Variants in MYT1L observed in about 807,000 individuals in gnomAD.
MYT1L encodes the protein myelin transcription factor 1 like, also known as myelin transcription factor 1-like protein.
A neutral mutation model predicts 126.7 loss-of-function variants in MYT1L; 12 were observed. That is an observed-to-expected ratio of 0.09 (90% CI 0.06 to 0.15). The LOEUF (loss-of-function observed/expected upper bound fraction) is 0.15, where lower values mean the gene tolerates loss of function less well. MYT1L is among the 10% of genes least tolerant of loss of function. MYT1L has a pLI of 1.00. For missense variants in MYT1L, 979 were observed against 1,585.2 expected, an observed-to-expected ratio of 0.62 and a Z score of 6.49; for synonymous variants, 541 against 604.2, an observed-to-expected ratio of 0.90 and a Z score of 1.53.
chr2:2,159,314 G>C (rs577720864), intron 3 of MYT1L, among the ~76,000 whole-genome samples: 65 of 152,180 alleles, frequency 4.3e-4, no homozygotes, highest in African/African-American at 1.4e-3. Context: ...TGGTCTCTTC[G>C]GGGTCCTCAA....
rs11689831 is a variant in MYT1L at position 1,989,601 on chromosome 2, G to A, written c.-1+7590C>T. Among the ~76,000 whole-genome samples, 268 of 152,324 alleles carry A rather than the reference G, an allele frequency of 1.8e-3. 1 individual carries two copies. Among genetic ancestry groups the A allele is most frequent in the African/African-American group, 6.1e-3 (255 of 41,574 alleles). On this transcript the variant is annotated intron_variant, in intron 5 of 24. Transcript: ENST00000647738. ...GGAAATAATTTAGTTAAGAGTCACA[G>A]ATGCTCTACGCAGGAAAGAAAATGA...
Position 2,119,777 on chromosome 2 carries a change from TTC to T in MYT1L, c.-304+53093_-304+53094del, listed in dbSNP as rs199990236. ...AAGTATACAAAACTGTATGTATGCATTCTCTTTCTAATTATAAATTATTTCAA... is the reference window on the plus strand; with the variant it reads ...AAGTATACAAAACTGTATGTATGCATTCTTTCTAATTATAAATTATTTCAA... On this transcript the variant is annotated intron_variant, in intron 3 of 24. Transcript: ENST00000647738. 4.0e-3 allele frequency among the ~76,000 whole-genome samples: 611 copies of T among 152,356 alleles called. 4 individuals are homozygous for T. Among genetic ancestry groups the T allele is most frequent in the African/African-American group, 0.014 (577 of 41,574 alleles).
chr2:2,013,600 TG>T (rs1471942545), intron 4 of MYT1L, among the ~76,000 whole-genome samples: 2 of 152,366 alleles, frequency 1.3e-5, no homozygotes, highest in East Asian at 3.9e-4. Flanking sequence ...CCTCGGCTGT[TG>T]ATCAGGGAGT....
At chr2:2,206,145 G>C (rs1157810408) in intron 2 of MYT1L, among the ~76,000 whole-genome samples, 1 of 151,898 alleles carries the variant, frequency 6.6e-6, no homozygotes, top group Non-Finnish European at 1.5e-5. Context: ...ACCACGCCCA[G>C]CTAATTTTTT....
chr2:2,156,090 C>T (rs1449839643), intron 3 of MYT1L, among the ~76,000 whole-genome samples: 2 of 152,092 alleles, frequency 1.3e-5, no homozygotes, highest in Non-Finnish European at 2.9e-5. Flanking sequence ...GTATTATTAC[C>T]TTAAATGTGT....
chr2:2,315,725 G>A (rs921659030), intron 1 of MYT1L, among the ~76,000 whole-genome samples: 2 of 152,288 alleles, frequency 1.3e-5, no homozygotes, highest in African/African-American at 2.4e-5. Flanking sequence ...TCTTCCAAAA[G>A]TATGAGTTTT....
At chr2:2,103,887 G>A (rs544088721) in intron 3 of MYT1L, among the ~76,000 whole-genome samples, 106 of 152,344 alleles carry the variant, frequency 7.0e-4, no homozygotes, top group African/African-American at 1.4e-3. Flanking sequence ...GATGCTGTGA[G>A]TATAGAAAAC....
chr2:1,931,604 T>C (rs1374986276), intron 9 of MYT1L, among the ~76,000 whole-genome samples: 1 of 152,148 alleles, frequency 6.6e-6, no homozygotes, highest in Non-Finnish European at 1.5e-5. Flanking sequence ...GGAGCTGGTT[T>C]TGGTGCATTA....
At chr2:2,014,209 T>C (rs2064132223) in intron 4 of MYT1L, among the ~76,000 whole-genome samples, 1 of 151,994 alleles carries the variant, frequency 6.6e-6, no homozygotes, top group African/African-American at 2.4e-5. Flanking sequence ...TTTTTTTTTT[T>C]TCCTGAGCAG....
intron 2 of MYT1L, among the ~76,000 whole-genome samples, chr2:2,179,143 C>T (rs1257199992): frequency 6.6e-6 from 1 of 152,196 alleles, no homozygotes; most frequent in African/African-American, 2.4e-5. Context: ...TGGCCAGCAG[C>T]TGTAGGACAT....
Position 1,876,408 on chromosome 2 carries a change from C to T in MYT1L, c.2711+10131G>A, listed in dbSNP as rs573884766. ...CAGGACTCCGAGTCCAGCCTGAGAA[C>T]AGGCCCCCAGAGCACCCCCACACAT... is the stretch of plus-strand genomic sequence containing the variant. On this transcript the variant is annotated intron_variant, in intron 18 of 24. Transcript: ENST00000647738. 1.0e-3 allele frequency among the ~76,000 whole-genome samples: 158 copies of T among 152,218 alleles called. 2 individuals carry two copies. Among genetic ancestry groups the T allele is most frequent in the African/African-American group, 3.6e-3 (150 of 41,538 alleles).
chr2:2,161,984 C>T (rs2088025965), intron 3 of MYT1L, among the ~76,000 whole-genome samples: 1 of 152,178 alleles, frequency 6.6e-6, no homozygotes, highest in African/African-American at 2.4e-5. Flanking sequence ...GTTTCGGAAG[C>T]AGGCACACTT....
Position 1,950,670 on chromosome 2 carries a change from G to A in MYT1L, c.153-7336C>T, listed in dbSNP as rs570907565. 2.0e-5 allele frequency among the ~76,000 whole-genome samples: 3 copies of A among 152,348 alleles called. No individual in the cohort carries two copies. In the East Asian group the frequency reaches 5.8e-4, roughly 29 times the overall value. ...GCAGAGAGACAGAGGGACCCAGAGG[G>A]CGAGTTCAGGGAGGCTGCATGGGCA... On this transcript the variant is annotated intron_variant, in intron 8 of 24. Transcript: ENST00000647738.
At chr2:2,132,687 C>T (rs1314653471) in intron 3 of MYT1L, among the ~76,000 whole-genome samples, 1 of 151,994 alleles carries the variant, frequency 6.6e-6, no homozygotes. Flanking sequence ...ACATATATAC[C>T]TATGTAACAA....
intron 5 of MYT1L, among the ~76,000 whole-genome samples, chr2:1,992,258 T>C (rs1235403916): frequency 1.3e-5 from 2 of 152,238 alleles, no homozygotes; most frequent in African/African-American, 2.4e-5. Context: ...GAGGTGATTG[T>C]TCTTCCCTTC....
chr2:2,241,223 G>A (rs1032506095), intron 2 of MYT1L, among the ~76,000 whole-genome samples: 22 of 152,082 alleles, frequency 1.4e-4, no homozygotes, highest in African/African-American at 5.3e-4. Flanking sequence ...AAAAATGTGT[G>A]CTCTTAAAAG....
At chr2:1,911,237 C>T (rs2051923427) in intron 12 of MYT1L, among the ~76,000 whole-genome samples, 1 of 152,156 alleles carries the variant, frequency 6.6e-6, no homozygotes, top group Non-Finnish European at 1.5e-5. Context: ...AAATGTAACA[C>T]AAAGGACCAG....
At chr2:2,082,536 T>C (rs545144963) in intron 3 of MYT1L, among the ~76,000 whole-genome samples, 130 of 152,312 alleles carry the variant, frequency 8.5e-4, no homozygotes, top group Non-Finnish European at 1.6e-3. Context: ...GAATGTTTGT[T>C]TTTTTCTCCA....
intron 8 of MYT1L, among the ~76,000 whole-genome samples, chr2:1,969,863 G>A (rs557403694): frequency 3.3e-5 from 5 of 152,242 alleles, no homozygotes; most frequent in South Asian, 2.1e-4. Context: ...AGTCATCCTC[G>A]GCACTTCCTC....
Sources: allele counts gnomAD v4.1 joint callset (sites outside exome capture counted in the v4.1 genomes callset), GRCh38; gene constraint gnomAD v4.1.1; transcripts MANE v1.5; gene names NCBI Gene and HGNC (gene_info 2026-07-23, HGNC 2026-07-21).